Variants in PALLD observed in about 807,000 individuals in gnomAD.
PALLD encodes palladin, cytoskeletal associated protein.
A neutral mutation model predicts 123.5 loss-of-function variants in PALLD; 61 were observed. The observed-to-expected ratio is 0.49, with a 90% CI of 0.40 to 0.61. The LOEUF (loss-of-function observed/expected upper bound fraction) is 0.61, where lower values mean the gene tolerates loss of function less well. Among genes scored for constraint, PALLD ranks in the 20% least tolerant of loss-of-function variants. PALLD has a pLI of 0.00. For synonymous variants in PALLD, 465 were observed against 496.4 expected (o/e 0.94, Z 0.84); for missense variants, 1,273 against 1,377.0 (o/e 0.92, Z 1.20).
chr4:168,592,428 T>A (rs1456410251), intron 2 of PALLD, among the ~76,000 whole-genome samples: 2 of 152,122 alleles, frequency 1.3e-5, no homozygotes, highest in Non-Finnish European at 2.9e-5. Context: ...ACAACAGTAT[T>A]GTCATAAAAA....
At position 168,690,638 on chromosome 4, in the gene PALLD, G is replaced by A; in HGVS notation, c.1371G>A (p.Val457=). Reference sequence around the variant, plus strand: ...ACACAGCCGTGGCGGAAGGCCAGGTGGTGGTTCTGGAGTGCCGGGTCCGTG... The same window carrying A: ...ACACAGCCGTGGCGGAAGGCCAGGTAGTGGTTCTGGAGTGCCGGGTCCGTG... ...LQNTAVAEGQ[V]VVLECRVRGA... Residue 457 remains valine, a synonymous_variant, in exon 7 of 22, where the codon GTG becomes GTA. Transcript: ENST00000505667. 6.2e-7 allele frequency: 1 copy of A among 1,614,196 alleles called. No homozygotes were observed. Among genetic ancestry groups the A allele is most frequent in the Non-Finnish European group, 8.5e-7 (1 of 1,180,028 alleles).
intron 2 of PALLD, among the ~76,000 whole-genome samples, chr4:168,581,492 T>A (rs1274783172): frequency 6.6e-6 from 1 of 152,160 alleles, no homozygotes; most frequent in African/African-American, 2.4e-5. Flanking sequence ...TGCATTTCTC[T>A]GATTAGTGAT....
At chr4:168,659,468 G>C (rs1337606400) in intron 2 of PALLD, among the ~76,000 whole-genome samples, 1 of 152,188 alleles carries the variant, frequency 6.6e-6, no homozygotes, top group African/African-American at 2.4e-5. Context: ...AATCACCCGT[G>C]ACATCCCTTT....
intron 2 of PALLD, among the ~76,000 whole-genome samples, chr4:168,570,154 A>G (rs1012079382): frequency 1.2e-4 from 19 of 152,182 alleles, no homozygotes; most frequent in Admixed American, 3.9e-4. Flanking sequence ...TTTACTGTCA[A>G]AAGTTTTACT....
At chr4:168,789,755 C>T (rs1222296758) in intron 10 of PALLD, among the ~76,000 whole-genome samples, 1 of 150,902 alleles carries the variant, frequency 6.6e-6, no homozygotes, top group Non-Finnish European at 1.5e-5. Context: ...AACACAAACA[C>T]TTTCGTATTT....
At chr4:168,573,939 CTTTT>C (rs1224618191) in intron 2 of PALLD, among the ~76,000 whole-genome samples, 4 of 142,332 alleles carry the variant, frequency 2.8e-5, no homozygotes, top group Non-Finnish European at 4.6e-5. Context: ...TGGGAAGCAG[CTTTT>C]TTTTTTTTGC....
intron 3 of PALLD, among the ~76,000 whole-genome samples, chr4:168,673,902 G>A (rs974258306): frequency 3.3e-5 from 5 of 151,744 alleles, no homozygotes; most frequent in Non-Finnish European, 7.4e-5. Flanking sequence ...GTGTGTGTGT[G>A]TGTGTGTGTG....
intron 10 of PALLD, among the ~76,000 whole-genome samples, chr4:168,882,579 A>G (rs1752759116): frequency 6.6e-6 from 1 of 151,930 alleles, no homozygotes; most frequent in Non-Finnish European, 1.5e-5. Context: ...TCATCTACCT[A>G]TCTTTCTCCT....
chr4:168,642,624 A>C (rs1368080736), intron 2 of PALLD, among the ~76,000 whole-genome samples: 1 of 151,120 alleles, frequency 6.6e-6, no homozygotes, highest in Non-Finnish European at 1.5e-5. Context: ...CTGGTCTCAA[A>C]CTCCTGACCT....
chr4:168,734,031 C>T (rs1029803127), intron 10 of PALLD, among the ~76,000 whole-genome samples: 24 of 152,170 alleles, frequency 1.6e-4, no homozygotes, highest in Admixed American at 5.9e-4. Context: ...CCACCACGCC[C>T]GGCCACAGAA....
At chr4:168,599,376 C>G (rs559764637) in intron 2 of PALLD, among the ~76,000 whole-genome samples, 20 of 152,304 alleles carry the variant, frequency 1.3e-4, no homozygotes, top group African/African-American at 4.8e-4. Context: ...ATTTGAAGGA[C>G]AAGTTGGCAG....
chr4:168,798,027 A>G (rs890206809), intron 10 of PALLD, among the ~76,000 whole-genome samples: 4 of 152,170 alleles, frequency 2.6e-5, no homozygotes, highest in African/African-American at 7.2e-5. Flanking sequence ...ATTGCACACA[A>G]ACAAGCCCCA....
At chr4:168,693,594 A>G (rs1246366516) in intron 8 of PALLD, among the ~76,000 whole-genome samples, 1 of 152,226 alleles carries the variant, frequency 6.6e-6, no homozygotes, top group East Asian at 1.9e-4. Context: ...TTAAGAAAAC[A>G]GATTCCTTCA....
At chr4:168,776,218 G>A (rs1369407857) in intron 10 of PALLD, among the ~76,000 whole-genome samples, 1 of 152,174 alleles carries the variant, frequency 6.6e-6, no homozygotes, top group African/African-American at 2.4e-5. Context: ...TCCCAGCTAT[G>A]AGTTTTCAGT....
chr4:168,678,091 C>G (rs1011524155), intron 3 of PALLD: 20 of 152,178 alleles, frequency 1.3e-4, no homozygotes, highest in African/African-American at 3.9e-4. Flanking sequence ...CTGAGGAACT[C>G]ACACGCGCGC....
chr4:168,518,419 G>A (rs1201274178), intron 2 of PALLD, among the ~76,000 whole-genome samples: 2 of 152,050 alleles, frequency 1.3e-5, no homozygotes, highest in East Asian at 1.9e-4. Flanking sequence ...CACTTAGTCC[G>A]AGTAAAATCC....
intron 2 of PALLD, among the ~76,000 whole-genome samples, chr4:168,667,583 T>C (rs898484925): frequency 4.6e-5 from 7 of 152,210 alleles, no homozygotes; most frequent in Non-Finnish European, 7.3e-5. Flanking sequence ...AAAGGAAAAG[T>C]GCTGACGAGC....
At chr4:168,840,116 A>T (rs1387126671) in intron 10 of PALLD, among the ~76,000 whole-genome samples, 3 of 151,908 alleles carry the variant, frequency 2.0e-5, no homozygotes, top group African/African-American at 7.3e-5. Flanking sequence ...ATTTTTTTTA[A>T]AAAAAATCTA....
chr4:168,775,976 C>A (rs1164701751), intron 10 of PALLD, among the ~76,000 whole-genome samples: 3 of 152,294 alleles, frequency 2.0e-5, no homozygotes, highest in African/African-American at 7.2e-5. Context: ...AGCCTCTCAC[C>A]TTTGTTCAAT....
Sources: allele counts gnomAD v4.1 joint callset (sites outside exome capture counted in the v4.1 genomes callset), GRCh38; gene constraint gnomAD v4.1.1; transcripts MANE v1.5; gene names NCBI Gene and HGNC (gene_info 2026-07-23, HGNC 2026-07-21).